GNAL: variants seen among roughly 807,000 people sequenced by gnomAD.
The protein encoded by GNAL is G protein subunit alpha L, also known as guanine nucleotide-binding protein G(olf) subunit alpha.
In GNAL, 18 loss-of-function variants were observed where a neutral mutation model predicts 55.1. The ratio of observed to expected loss-of-function variants is 0.33; its 90% CI spans 0.23 to 0.48. The LOEUF is 0.48. GNAL is among the 20% of genes least tolerant of loss of function. GNAL has a pLI of 0.99. For synonymous variants in GNAL, 253 were observed against 237.0 expected (o/e 1.07, Z -0.62); for missense variants, 412 against 614.1 (o/e 0.67, Z 3.48).
intron 1 of GNAL, among the ~76,000 whole-genome samples, chr18:11,696,552 AATGCAGTG>A (rs1249030409): frequency 1.3e-5 from 2 of 152,022 alleles, no homozygotes; most frequent in Non-Finnish European, 2.9e-5. Context: ...CCTTAAAGAG[AATGCAGTG>A]ATGTTGCATT....
chr18:11,878,970 T>A (rs593091), intron 11 of GNAL, among the ~76,000 whole-genome samples: 1 of 141,536 alleles, frequency 7.1e-6, no homozygotes, highest in Non-Finnish European at 1.5e-5. Flanking sequence ...GTTGGAGGAG[T>A]GGGGAGGGAT....
In GNAL at chr18:11,851,443, CTTA is replaced by C. The variant is rs1028986255; in HGVS notation, c.723-10951_723-10949del. Reference sequence around the variant, plus strand: ...CAAAGGAGCGGCGGCCGGGAGCGGACTTACCTTACCTTCTCTGCCTTCGGCGCG... The same window carrying C: ...CAAAGGAGCGGCGGCCGGGAGCGGACCCTTACCTTCTCTGCCTTCGGCGCG... On this transcript the variant is annotated intron_variant, in intron 5 of 11. Coordinates refer to ENST00000334049, the MANE Select transcript of GNAL (RefSeq NM_182978.4). The C allele has an allele frequency of 2.1e-6, 3 of 1,456,582 alleles. No individual in the cohort carries two copies. In the African/African-American group the frequency reaches 4.3e-5, roughly 21 times the overall value. The allele number at this position is 1,456,582 out of a possible 1,614,324, so 90.2% of individuals were successfully genotyped here. A position where few individuals can be genotyped will look rare whatever the true frequency, so the allele number is the denominator to read the frequency against.
chr18:11,751,669 G>A lies in GNAL; in HGVS notation c.377-1184G>A, dbSNP rs2032835177. 1.0e-6 allele frequency: 1 copy of A among 985,368 alleles called. No homozygotes were observed. Among genetic ancestry groups the A allele is most frequent in the Non-Finnish European group, 1.2e-6 (1 of 829,880 alleles). 61.0% of individuals were successfully genotyped at this position (985,368 alleles called of 1,614,324 possible). On this transcript the variant is annotated intron_variant, in intron 1 of 11. Transcript: ENST00000334049. This position sits in a 1 kb window ranked among gnomAD's most constrained non-coding sequence, Gnocchi z 4.5. The stretch of plus-strand genomic sequence containing the variant: ...GAGAGCCAGGCGGCCGCGGCGCAGC[G>A]GAGGGGCTGCGGGCCCGGAACCCAG...
chr18:11,749,187 T>G (rs2032759275), intron 1 of GNAL, among the ~76,000 whole-genome samples: 1 of 148,512 alleles, frequency 6.7e-6, no homozygotes, highest in African/African-American at 2.5e-5. Context: ...TCATAGCGCA[T>G]GCTGGGTTGA....
chr18:11,816,960 CAGAA>C (rs2034973458), intron 4 of GNAL, among the ~76,000 whole-genome samples: 1 of 151,786 alleles, frequency 6.6e-6, no homozygotes, highest in South Asian at 2.1e-4. Flanking sequence ...ACTATAGAGA[CAGAA>C]GGAACTGAGT....
At chr18:11,796,418 A>G in intron 4 of GNAL, among the ~76,000 whole-genome samples, 1 of 151,990 alleles carries the variant, frequency 6.6e-6, no homozygotes, top group Non-Finnish European at 1.5e-5. Flanking sequence ...TCTACTAAAA[A>G]TACAAAACAA....
chr18:11,794,283 G>A (rs2034318414), intron 4 of GNAL, among the ~76,000 whole-genome samples: 1 of 152,210 alleles, frequency 6.6e-6, no homozygotes, highest in Non-Finnish European at 1.5e-5. Flanking sequence ...TCACATTAAT[G>A]TTGATAGCAG....
At chr18:11,705,858 C>T (rs1381541238) in intron 1 of GNAL, among the ~76,000 whole-genome samples, 4 of 150,856 alleles carry the variant, frequency 2.7e-5, no homozygotes, top group Non-Finnish European at 2.9e-5. Context: ...CAGGTCCAGG[C>T]GATTCCCCTG....
intron 5 of GNAL, among the ~76,000 whole-genome samples, chr18:11,838,487 A>G (rs1157954009): frequency 2.0e-5 from 3 of 152,220 alleles, no homozygotes; most frequent in Non-Finnish European, 4.4e-5. Flanking sequence ...TGGTTGCACA[A>G]CTTTGAATAT....
intron 4 of GNAL, among the ~76,000 whole-genome samples, chr18:11,817,571 A>C (rs948140272): frequency 6.6e-6 from 1 of 152,072 alleles, no homozygotes; most frequent in African/African-American, 2.4e-5. Context: ...AAAGGCTTTT[A>C]ATTGGCTTGT....
intron 5 of GNAL, among the ~76,000 whole-genome samples, chr18:11,839,355 G>T (rs2035562836): frequency 6.6e-6 from 1 of 151,528 alleles, no homozygotes; most frequent in Admixed American, 6.6e-5. Context: ...AGCAGCCTGG[G>T]CATCTTGGCG....
intron 4 of GNAL, among the ~76,000 whole-genome samples, chr18:11,755,032 G>A (rs2033000793): frequency 1.3e-5 from 2 of 151,332 alleles, no homozygotes; most frequent in African/African-American, 2.4e-5. Context: ...GTGTGTGTAT[G>A]TGTATTCATC....
chr18:11,861,140 T>C (rs774716438), intron 5 of GNAL, among the ~76,000 whole-genome samples: 81 of 152,262 alleles, frequency 5.3e-4, no homozygotes, highest in Non-Finnish European at 8.5e-4. Flanking sequence ...CCAACTGGCA[T>C]GGCAGGCAGG....
chr18:11,828,361 GCC>G (rs1410454921), intron 5 of GNAL, among the ~76,000 whole-genome samples: 1 of 132,964 alleles, frequency 7.5e-6, no homozygotes, highest in Non-Finnish European at 1.6e-5. Context: ...CTATCATTGT[GCC>G]ACACACTCCA....
chr18:11,786,855 A>G (rs960171385), intron 4 of GNAL, among the ~76,000 whole-genome samples: 1 of 151,858 alleles, frequency 6.6e-6, no homozygotes, highest in East Asian at 1.9e-4. Context: ...TAATCAAACT[A>G]CTGATTCAAA....
chr18:11,759,321 AC>A (rs2033162614), intron 4 of GNAL, among the ~76,000 whole-genome samples: 1 of 152,252 alleles, frequency 6.6e-6, no homozygotes, highest in African/African-American at 2.4e-5. Context: ...AAATGTGGAT[AC>A]TTTATTAGCT....
At chr18:11,851,593 G>A (rs368781162) in intron 5 of GNAL, 70 of 1,613,348 alleles carry the variant, frequency 4.3e-5, no homozygotes, top group Non-Finnish European at 5.8e-5. Flanking sequence ...ATGCGATAAG[G>A]AGGAAAAGGC....
chr18:11,734,874 T>G (rs995582402), intron 1 of GNAL, among the ~76,000 whole-genome samples: 5 of 148,544 alleles, frequency 3.4e-5, no homozygotes, highest in Admixed American at 6.8e-5. Flanking sequence ...TAGACCAGCG[T>G]CCCCTATCTG....
rs536745607 is a variant in GNAL, at chr18:11,710,475, ATTTACC to A, written c.376+20542_376+20547del. On this transcript the variant is annotated intron_variant, in intron 1 of 11. Transcript: ENST00000334049. Reference sequence around the variant, plus strand: ...TACAGTATTCTATGTTTGTCTACATATTTACCTTTACGAATGAACTTTATACTTTCA... The same window carrying A: ...TACAGTATTCTATGTTTGTCTACATATTTACGAATGAACTTTATACTTTCA... 1.7e-3 allele frequency among the ~76,000 whole-genome samples: 259 copies of A among 152,290 alleles called. 1 individual carries two copies. Among genetic ancestry groups the A allele is most frequent in the African/African-American group, 5.8e-3 (240 of 41,566 alleles).
Sources: gnomAD v4.1 joint callset for allele counts (sites outside exome capture counted in the v4.1 genomes callset) on GRCh38, gnomAD v4.1.1 for gene constraint, Gnocchi (gnomAD v3.1) non-coding constraint, MANE v1.5 for transcripts, NCBI Gene and HGNC (gene_info 2026-07-23, HGNC 2026-07-21) for gene names.